The following PIBF1 variants were observed in gnomAD, a reference collection of about 807,000 sequenced individuals.
PIBF1 encodes the protein progesterone immunomodulatory binding factor 1, also known as progesterone-induced-blocking factor 1.
A neutral mutation model predicts 112.5 loss-of-function variants in PIBF1; 90 were observed. The ratio of observed to expected loss-of-function variants is 0.80; its 90% CI spans 0.67 to 0.95. The LOEUF is 0.95. Among genes scored for constraint, PIBF1 ranks in the 40% least tolerant of loss-of-function variants. The pLI, the probability that PIBF1 is intolerant of heterozygous loss-of-function variation, is 0.00. For missense variants in PIBF1, 915 were observed against 852.3 expected (o/e 1.07, Z -0.92); for synonymous variants, 301 against 288.6 (o/e 1.04, Z -0.44).
intron 16 of PIBF1, among the ~76,000 whole-genome samples, chr13:72,993,724 C>G (rs974828822): frequency 1.5e-5 from 2 of 131,142 alleles, no homozygotes; most frequent in African/African-American, 2.9e-5. Flanking sequence ...CTAGCCTGGG[C>G]GACAGAGCGA....
At chr13:72,831,077 A>G (rs1033939977) in intron 8 of PIBF1, among the ~76,000 whole-genome samples, 2 of 151,690 alleles carry the variant, frequency 1.3e-5, no homozygotes, top group Non-Finnish European at 2.9e-5. Flanking sequence ...GTATTCTCTG[A>G]TGGTAGTTTT....
intron 5 of PIBF1, among the ~76,000 whole-genome samples, chr13:72,818,678 C>CTTT (rs3077726): frequency 0.04 from 3,185 of 80,352 alleles, 423 homozygotes; most frequent in African/African-American, 0.071. Context: ...CAGTCTTAAA[C>CTTT]TTTTTTTTTT....
At chr13:72,898,037 C>G (rs2040346797) in intron 11 of PIBF1, among the ~76,000 whole-genome samples, 2 of 152,116 alleles carry the variant, frequency 1.3e-5, no homozygotes, top group African/African-American at 4.8e-5. Flanking sequence ...ATGGAACTTT[C>G]TCCAAGATAG....
At position 72,809,714 on chromosome 13, in the gene PIBF1, C is replaced by T. The variant is rs1001835761; in HGVS notation, c.672+11688C>T. Reference sequence around the variant, plus strand: ...AAGCAATTCTCCTGCCTCAGCCTCCCGAGTAGCCGGGAGTACAGGCATGCG... The same window carrying T: ...AAGCAATTCTCCTGCCTCAGCCTCCTGAGTAGCCGGGAGTACAGGCATGCG... On this transcript the variant is annotated intron_variant, in intron 5 of 17. Coordinates refer to ENST00000326291, the MANE Select transcript of PIBF1 (RefSeq NM_006346.4). Among the ~76,000 whole-genome samples the T allele has an allele frequency of 5.3e-5, 8 of 151,558 alleles. No individual in the cohort carries two copies. The South Asian group carries it at 6.2e-4, about 12-fold the overall frequency.
chr13:72,790,431 A>T (rs913731159), intron 2 of PIBF1, among the ~76,000 whole-genome samples: 32 of 83,606 alleles, frequency 3.8e-4, no homozygotes, highest in African/African-American at 1.0e-3. Context: ...TCACACACAC[A>T]CACACACACA....
intron 5 of PIBF1, among the ~76,000 whole-genome samples, chr13:72,800,941 G>A (rs2035440366): frequency 6.6e-6 from 1 of 152,184 alleles, no homozygotes; most frequent in African/African-American, 2.4e-5. Context: ...AGTTTACAAA[G>A]CCTTGAGGAA....
At chr13:72,958,309 C>A (rs1427578768) in intron 14 of PIBF1, among the ~76,000 whole-genome samples, 4 of 68,730 alleles carry the variant, frequency 5.8e-5, no homozygotes, top group African/African-American at 2.1e-4. Flanking sequence ...GACCCTATCT[C>A]AAAAAAAAAA....
At chr13:72,892,785 T>TACACACACAC (rs113653296) in intron 10 of PIBF1, among the ~76,000 whole-genome samples, 18,509 of 140,300 alleles carry the variant, frequency 0.13, 1,480 homozygotes, top group South Asian at 0.23. Context: ...CCTCCTGCCT[T>TACACACACAC]ACACACACAC....
intron 5 of PIBF1, among the ~76,000 whole-genome samples, chr13:72,817,620 C>T (rs2036337299): frequency 6.6e-6 from 1 of 152,088 alleles, no homozygotes; most frequent in African/African-American, 2.4e-5. Context: ...GCCCACAGCA[C>T]ATGTGATACA....
At chr13:72,868,672 C>A (rs1594088403) in intron 10 of PIBF1, among the ~76,000 whole-genome samples, 1 of 151,876 alleles carries the variant, frequency 6.6e-6, no homozygotes, top group African/African-American at 2.4e-5. Flanking sequence ...ACCAATATCA[C>A]CTCTTCATTA....
At chr13:72,963,941 T>C (rs935434302) in intron 14 of PIBF1, among the ~76,000 whole-genome samples, 6 of 152,156 alleles carry the variant, frequency 3.9e-5, no homozygotes, top group East Asian at 1.9e-4. Context: ...AAGTTAAATA[T>C]AGAATTACCA....
At chr13:72,883,945 T>A (rs779172489) in intron 10 of PIBF1, among the ~76,000 whole-genome samples, 2 of 152,128 alleles carry the variant, frequency 1.3e-5, no homozygotes, top group African/African-American at 2.4e-5. Context: ...CGTACACACA[T>A]ACATACATAC....
intron 17 of PIBF1, among the ~76,000 whole-genome samples, chr13:73,012,703 C>A (rs2044239700): frequency 6.6e-6 from 1 of 151,898 alleles, no homozygotes; most frequent in African/African-American, 2.4e-5. Flanking sequence ...TGCAGTGAGC[C>A]ATGATCATGC....
chr13:72,985,588 A>G (rs2043263159), intron 16 of PIBF1, among the ~76,000 whole-genome samples: 1 of 152,274 alleles, frequency 6.6e-6, no homozygotes, highest in Non-Finnish European at 1.5e-5. Flanking sequence ...GCCAGGAGAC[A>G]ATATTAACAA....
Position 72,821,857 on chromosome 13 carries a change from G to A in PIBF1, c.681G>A (p.Glu227=), listed in dbSNP as rs185604565. Residue 227 remains glutamate, a synonymous_variant, in exon 6 of 18, where the codon GAG becomes GAA. Transcript: ENST00000326291. ...ATTCCTTTGGTTTATAGACATATGA[G>A]GAAGATCGAAAAAACTACTCTGAAG... ...NQLKQLTETY[E]EDRKNYSEVQ... is the part of the protein sequence containing the mutation. 3 of 1,610,598 alleles carry A rather than the reference G, an allele frequency of 1.9e-6. No homozygotes were observed. The highest frequency in any genetic ancestry group is 1.7e-5 in the Admixed American group (1 of 59,572).
intron 10 of PIBF1, among the ~76,000 whole-genome samples, chr13:72,874,744 G>T (rs954485005): frequency 1.3e-5 from 2 of 152,186 alleles, no homozygotes; most frequent in African/African-American, 2.4e-5. Context: ...AATAAAACTG[G>T]TTTTTTAAAT....
intron 10 of PIBF1, among the ~76,000 whole-genome samples, chr13:72,856,820 A>AGT (rs1202442963): frequency 6.6e-6 from 1 of 152,208 alleles, no homozygotes; most frequent in Non-Finnish European, 1.5e-5. Context: ...ATATAAATTC[A>AGT]GTGCAGTTCA....
intron 13 of PIBF1, among the ~76,000 whole-genome samples, 195 bp downstream of exon 13, chr13:72,917,361 A>C (rs1021389213): frequency 6.6e-6 from 1 of 152,116 alleles, no homozygotes; most frequent in African/African-American, 2.4e-5. Context: ...GGTTTGTAGA[A>C]GTGTGCATAA....
At chr13:72,818,773 T>G (rs1034326751) in intron 5 of PIBF1, among the ~76,000 whole-genome samples, 1 of 151,546 alleles carries the variant, frequency 6.6e-6, no homozygotes, top group African/African-American at 2.4e-5. Context: ...ACTCTTTATT[T>G]TTCTAGCTGA....
Sources: gnomAD v4.1 joint callset for allele counts (sites outside exome capture counted in the v4.1 genomes callset) on GRCh38, gnomAD v4.1.1 for gene constraint, MANE v1.5 for transcripts, NCBI Gene and HGNC (gene_info 2026-07-23, HGNC 2026-07-21) for gene names.